The following AKAP13 variants were observed in gnomAD, a reference collection of about 807,000 sequenced individuals.
The protein encoded by AKAP13 is A-kinase anchoring protein 13, also known as A-kinase anchor protein 13.
A neutral mutation model predicts 264.5 loss-of-function variants in AKAP13; 80 were observed. The observed-to-expected ratio is 0.30, with a 90% CI of 0.25 to 0.36. The LOEUF is 0.36. Among genes scored for constraint, AKAP13 ranks in the 10% least tolerant of loss-of-function variants. AKAP13 has a pLI of 1.00. For synonymous variants in AKAP13, 1,380 were observed against 1,250.2 expected, an observed-to-expected ratio of 1.10 and a Z score of -2.19; for missense variants, 3,712 against 3,435.2, an observed-to-expected ratio of 1.08 and a Z score of -2.01.
At chr15:85,447,130 G>C (rs1004657992) in intron 1 of AKAP13, among the ~76,000 whole-genome samples, 2 of 152,106 alleles carry the variant, frequency 1.3e-5, no homozygotes, top group Admixed American at 1.3e-4. Flanking sequence ...AGCTGGGCGT[G>C]GTGGTGCGCA....
intron 2 of AKAP13, among the ~76,000 whole-genome samples, chr15:85,493,368 T>G (rs923319408): frequency 6.6e-6 from 1 of 152,212 alleles, no homozygotes; most frequent in African/African-American, 2.4e-5. Context: ...TTTCCCAGGT[T>G]TCATTCATTA....
chr15:85,399,513 A>AAAAAAT (rs1567038556), intron 1 of AKAP13, among the ~76,000 whole-genome samples: 27 of 69,982 alleles, frequency 3.9e-4, no homozygotes, highest in South Asian at 1.8e-3. Flanking sequence ...AAAAAAAAAA[A>AAAAAAT]AAAAAAAAAT....
intron 30 of AKAP13, among the ~76,000 whole-genome samples, chr15:85,731,769 A>G (rs936349746): frequency 6.6e-6 from 1 of 152,132 alleles, no homozygotes. Flanking sequence ...AGTTTTTATT[A>G]TGGACTCATG....
intron 8 of AKAP13, among the ~76,000 whole-genome samples, chr15:85,596,999 TGAA>T (rs1470822214): frequency 6.6e-6 from 1 of 152,184 alleles, no homozygotes; most frequent in Non-Finnish European, 1.5e-5. Flanking sequence ...GGAATCCCCT[TGAA>T]GAAAGATAGA....
At chr15:85,527,050 G>C (rs1276148874) in intron 3 of AKAP13, among the ~76,000 whole-genome samples, 1 of 151,652 alleles carries the variant, frequency 6.6e-6, no homozygotes, top group African/African-American at 2.4e-5. Context: ...CGCCTCCTGG[G>C]TTCAGGCCAT....
intron 5 of AKAP13, among the ~76,000 whole-genome samples, chr15:85,570,220 A>G (rs1307397289): frequency 6.6e-6 from 1 of 151,988 alleles, no homozygotes; most frequent in African/African-American, 2.4e-5. Context: ...GGAGGTAGAG[A>G]AGGATGGATC....
intron 1 of AKAP13, among the ~76,000 whole-genome samples, chr15:85,387,197 G>C (rs573995821): frequency 6.6e-6 from 1 of 152,110 alleles, no homozygotes; most frequent in East Asian, 1.9e-4. Context: ...ATAGCTGGGC[G>C]TGGTGGTGGG....
intron 1 of AKAP13, among the ~76,000 whole-genome samples, chr15:85,427,796 T>C (rs1399724896): frequency 1.3e-5 from 2 of 152,204 alleles, no homozygotes; most frequent in African/African-American, 4.8e-5. Flanking sequence ...TAAGCTTATG[T>C]TAGTCATAAG....
chr15:85,524,827 GTGTC>G (rs982739670), intron 3 of AKAP13, among the ~76,000 whole-genome samples: 16 of 151,760 alleles, frequency 1.1e-4, no homozygotes, highest in Admixed American at 2.0e-4. Context: ...AAGTGTGTGT[GTGTC>G]TGTCTGTCTG....
chr15:85,555,411 C>T (rs2078107740), intron 5 of AKAP13: 1 of 1,288,302 alleles, frequency 7.8e-7, no homozygotes, highest in Non-Finnish European at 1.0e-6. Context: ...GGCTGCTTTC[C>T]TCTATTTTTA....
chr15:85,613,713 T>TATATATATATATATATATATATATATA (rs1254657975), intron 8 of AKAP13, among the ~76,000 whole-genome samples: 6 of 110,994 alleles, frequency 5.4e-5, no homozygotes, highest in Admixed American at 1.6e-4. Context: ...TATATATATA[T>TATATATATATATATATATATATATATA]TAGGAGTGCT....
At chr15:85,608,144 T>TGCAG (rs373966533) in intron 8 of AKAP13, among the ~76,000 whole-genome samples, 2 of 151,170 alleles carry the variant, frequency 1.3e-5, no homozygotes, top group African/African-American at 4.9e-5. Flanking sequence ...TATTCTTTTT[T>TGCAG]TGAAGAGAAA....
chr15:85,434,337 C>A (rs909834869), intron 1 of AKAP13, among the ~76,000 whole-genome samples: 3 of 152,212 alleles, frequency 2.0e-5, no homozygotes, highest in African/African-American at 7.2e-5. Context: ...CGGAATCTCG[C>A]TGACTGCTAG....
rs1263746007 is a variant in AKAP13 at position 85,434,421 on chromosome 15, A to C, written c.-11-51289A>C. On this transcript the variant is annotated intron_variant, in intron 1 of 36. Transcript: ENST00000394518. ...GGGCGCCCGCCATTGCCCAGGCTTGATTAGGTAAACAAAGCAGCCGGGAAG... is the reference window on the plus strand; with the variant it reads ...GGGCGCCCGCCATTGCCCAGGCTTGCTTAGGTAAACAAAGCAGCCGGGAAG... Among the ~76,000 whole-genome samples, 59 of 152,342 alleles carry C rather than the reference A, an allele frequency of 3.9e-4. No individual in the cohort carries two copies. In the South Asian group the frequency reaches 4.8e-3, roughly 12 times the overall value.
intron 5 of AKAP13, among the ~76,000 whole-genome samples, chr15:85,546,765 A>G (rs2077762186): frequency 7.0e-6 from 1 of 142,500 alleles, no homozygotes; most frequent in African/African-American, 2.6e-5. Context: ...TTTCTTTGAG[A>G]TGGAGTCTTG....
intron 17 of AKAP13, chr15:85,702,858 T>G (rs1409865788): frequency 6.6e-6 from 1 of 152,264 alleles, no homozygotes; most frequent in Non-Finnish European, 1.5e-5. Flanking sequence ...TCAGCTGTTC[T>G]TTCCAGCTGC....
At chr15:85,464,125 G>A (rs1188241033) in intron 1 of AKAP13, among the ~76,000 whole-genome samples, 1 of 152,118 alleles carries the variant, frequency 6.6e-6, no homozygotes, top group African/African-American at 2.4e-5. Context: ...CAACCAAAGG[G>A]TTAAAGTCTG....
chr15:85,453,211 C>T (rs1004964010), intron 1 of AKAP13, among the ~76,000 whole-genome samples: 4 of 152,146 alleles, frequency 2.6e-5, no homozygotes, highest in South Asian at 2.1e-4. Flanking sequence ...AGTCAGTGGC[C>T]GAGAGGCTTT....
At chr15:85,634,123 A>C (rs1450390458) in intron 8 of AKAP13, among the ~76,000 whole-genome samples, 1 of 152,140 alleles carries the variant, frequency 6.6e-6, no homozygotes, top group African/African-American at 2.4e-5. Context: ...GTAATAGTAA[A>C]ATAGCTGAAC....
Sources: allele counts gnomAD v4.1 joint callset (sites outside exome capture counted in the v4.1 genomes callset), GRCh38; gene constraint gnomAD v4.1.1; transcripts MANE v1.5; gene names NCBI Gene and HGNC (gene_info 2026-07-23, HGNC 2026-07-21).